GIGYF1: variants seen among roughly 807,000 people sequenced by gnomAD.
GIGYF1 encodes the protein GRB10-interacting GYF protein 1.
GIGYF1 carries 84 observed loss-of-function variants against 147.1 expected under a neutral mutation model. The ratio of observed to expected loss-of-function variants is 0.57; its 90% CI spans 0.48 to 0.68. The LOEUF is 0.68. GIGYF1 is among the 30% of genes least tolerant of loss of function. The probability of loss-of-function intolerance (pLI) is 0.00; values close to 1 mark genes in which losing one functional copy is unlikely to be tolerated. For missense variants in GIGYF1, 1,485 were observed against 1,393.7 expected, an observed-to-expected ratio of 1.07 and a Z score of -1.04; for synonymous variants, 752 against 589.5, an observed-to-expected ratio of 1.28 and a Z score of -3.99.
intron 1 of GIGYF1, among the ~76,000 whole-genome samples, chr7:100,692,862 T>C (rs1422925783): frequency 6.6e-6 from 1 of 152,122 alleles, no homozygotes; most frequent in Non-Finnish European, 1.5e-5. Context: ...TGGAGCTGGC[T>C]AGCCTGGTGG....
chr7:100,687,417 G>A lies in GIGYF1; in HGVS notation c.374-11C>T, dbSNP rs773834831. 8.1e-6 allele frequency: 13 copies of A among 1,612,828 alleles called. No individual in the cohort carries two copies. Among genetic ancestry groups the A allele is most frequent in the African/African-American group, 1.3e-5 (1 of 74,926 alleles). ...CACCACGGCCGCGGCCTAGAGAAGA[G>A]GCCAGACGCACAATGAAACCTGCTG... On this transcript the variant is annotated splice_polypyrimidine_tract_variant and intron_variant, in intron 7 of 26. Coordinates refer to ENST00000678049, the MANE Select transcript of GIGYF1 (RefSeq NM_001375765.1).
At position 100,686,660 on chromosome 7, in the gene GIGYF1, G is replaced by A. The variant is rs775911267; in HGVS notation, c.683C>T (p.Ser228Phe). The change falls in exon 10 of 27, where the codon TCC (serine) becomes TTC (phenylalanine). Residue 228 changes from serine (S) to phenylalanine (F), a missense_variant. By Grantham distance (155) the Ser-to-Phe change is radical. Coordinates refer to ENST00000678049, the MANE Select transcript of GIGYF1 (RefSeq NM_001375765.1). The stretch of plus-strand genomic sequence containing the variant: ...GGCCCCAATCTCACCAGGGCTGGCG[G>A]AGCGCCAGCGGTCGCCGTCTCGCCG... ...GPRRDGDRWR[S>F]ASPDGGPRSA... The A allele has an allele frequency of 6.2e-7, 1 of 1,611,608 alleles. No homozygotes were observed.
intron 16 of GIGYF1, 44 bp from the exon 17 acceptor site, chr7:100,684,381 G>A: frequency 2.5e-6 from 4 of 1,599,858 alleles, no homozygotes; most frequent in Non-Finnish European, 3.4e-6. Flanking sequence ...CAGGGAGGAG[G>A]GGACTCTGCT....
rs1805599206 is a variant in GIGYF1 at position 100,688,647 on chromosome 7, GGTA to G, written c.-193_-191del. The G allele has an allele frequency of 1.2e-5, 5 of 422,114 alleles. No individual in the cohort carries two copies. In the Admixed American group the frequency reaches 1.4e-4, roughly 12 times the overall value. The allele number at this position is 422,114 out of a possible 1,614,324, so 26.1% of individuals were successfully genotyped here. On this transcript the variant is annotated 5_prime_UTR_variant, in exon 2 of 27. Transcript: ENST00000678049. ...AGGGGCTGGTGCTGGAGTGAACGAG[GGTA>G]CCCAAGCCACTGGGAATTGGTCTGA...
chr7:100,682,052 G>A lies in GIGYF1; in HGVS notation c.2925+20C>T, dbSNP rs374887080. On this transcript the variant is annotated intron_variant, in intron 25 of 26. Coordinates refer to ENST00000678049, the MANE Select transcript of GIGYF1 (RefSeq NM_001375765.1). ...GGCACCAGGCAAGCCCACCCCAGCTGCTGGTGCCGGCTGCCTCACCTGCTG... is the reference window on the plus strand; with the variant it reads ...GGCACCAGGCAAGCCCACCCCAGCTACTGGTGCCGGCTGCCTCACCTGCTG... 15 of 1,611,656 alleles carry A rather than the reference G, an allele frequency of 9.3e-6. No homozygotes were observed. In the Admixed American group the frequency reaches 1.8e-4, roughly 20 times the overall value.
At position 100,686,698 on chromosome 7, in the gene GIGYF1, G is replaced by A. The variant is rs1296255583; in HGVS notation, c.645C>T (p.Leu215=). 3.1e-6 allele frequency: 5 copies of A among 1,613,168 alleles called. No individual in the cohort carries two copies. The highest frequency in any genetic ancestry group is 2.2e-5 in the East Asian group (1 of 44,782). ...QEEEEEGSWR[L]GAGPRRDGDR... is the part of the protein sequence containing the mutation. ...CGCCGTCTCGCCGGGGCCCTGCTCC[G>A]AGCCTCCAGCTGCCCTCCTCCTCCT... Residue 215 remains leucine (L), a synonymous_variant, in exon 10 of 27, where the codon CTC becomes CTT. Transcript: ENST00000678049.
In GIGYF1 at chr7:100,682,463, A is replaced by G. The variant is rs1439109447; in HGVS notation, c.2620T>C (p.Ser874Pro). Residue 874 changes from serine to proline, a missense_variant, in exon 24 of 27, where the codon TCG becomes CCG. Physicochemically the swap from Ser to Pro is moderately conservative, Grantham distance 74 (BLOSUM62 -1). Coordinates refer to ENST00000678049, the MANE Select transcript of GIGYF1 (RefSeq NM_001375765.1). ...PSLSDSYSHL[S>P]GRPIRKKTEE... ...GTCTTTTTGCGAATGGGCCGACCCG[A>G]TAGGTGGCTGTATGAGTCACTGAAG... The G allele has an allele frequency of 6.2e-7, 1 of 1,612,784 alleles. No homozygotes were observed. The highest frequency in any genetic ancestry group is 8.5e-7 in the Non-Finnish European group (1 of 1,179,956).
At position 100,682,672 on chromosome 7, in the gene GIGYF1, G is replaced by A. The variant is rs1307984350; in HGVS notation, c.2518C>T (p.Leu840Phe). ...CCGCTCTTGGGGGTGTCCTCCCAGA[G>A]CCCCAGGCCGCTGCTGCCGCCCCCA... ...KSGGGSSGLG[L>F]WEDTPKSGGS... Residue 840 changes from leucine to phenylalanine, a missense_variant, in exon 23 of 27, where the codon CTC (leucine) becomes TTC (phenylalanine). Leu to Phe is a conservative substitution (Grantham distance 22). Coordinates refer to ENST00000678049, the MANE Select transcript of GIGYF1 (RefSeq NM_001375765.1). 26 of 1,601,994 alleles carry A rather than the reference G, an allele frequency of 1.6e-5. No individual in the cohort carries two copies. Among genetic ancestry groups the A allele is most frequent in the Non-Finnish European group, 2.2e-5 (26 of 1,175,636 alleles).
At position 100,687,376 on chromosome 7, in the gene GIGYF1, T is replaced by C; in HGVS notation, c.404A>G (p.Gln135Arg). Residue 135 changes from glutamine to arginine, a missense_variant, in exon 8 of 27, where the codon CAA (glutamine) becomes CGA (arginine). Physicochemically the swap from Gln to Arg is conservative, Grantham distance 43. Transcript: ENST00000678049. ...CCCATCGCCTTCTTCGATGCTTCTT[T>C]GGTAAAAGCAGCTGTCACCACGGCC... is the stretch of plus-strand genomic sequence containing the variant. ...GRGRGDSCFY[Q>R]RSIEEGDGAF... 6.2e-7 allele frequency: 1 copy of C among 1,613,430 alleles called. No homozygotes were observed.
chr7:100,681,651 T>A lies in GIGYF1; in HGVS notation c.*68A>T. 6.9e-7 allele frequency: 1 copy of A among 1,446,038 alleles called. No homozygotes were observed. The highest frequency in any genetic ancestry group is 9.3e-7 in the Non-Finnish European group (1 of 1,077,850). The allele number at this position is 1,446,038 out of a possible 1,614,324, so 89.6% of individuals were successfully genotyped here. ...TGCTCTCTGCGGGGAGCCTGCAGGC[T>A]GGGACCCTCGGTCCACGCCGCTGTG... On this transcript the variant is annotated 3_prime_UTR_variant, in exon 27 of 27. Transcript: ENST00000678049.
Position 100,682,766 on chromosome 7 carries a change from GC to G in GIGYF1, c.2423del (p.Gly808AlafsTer7). The G allele has an allele frequency of 6.6e-7, 1 of 1,525,196 alleles. No homozygotes were observed. Among genetic ancestry groups the G allele is most frequent in the Non-Finnish European group, 8.8e-7 (1 of 1,138,382 alleles). The allele number at this position is 1,525,196 out of a possible 1,614,324, so 94.5% of individuals were successfully genotyped here. The part of the protein sequence containing the change: ...QAPNHRVQLG[G>X]LGTAPLNQWV... ...ACTGGTTCAGGGGGGCAGTGCCCAG[GC>G]CCCCAAGCTGCTACAGATGGCAGAA... On this transcript the variant is annotated frameshift_variant, in exon 23 of 27. Coordinates refer to ENST00000678049, the MANE Select transcript of GIGYF1 (RefSeq NM_001375765.1). LOFTEE classifies it high-confidence loss of function.
In GIGYF1 at chr7:100,680,365, G is replaced by A. The variant is rs780596240; in HGVS notation, c.*1354C>T. 3 of 152,518 alleles carry A rather than the reference G, an allele frequency of 2.0e-5. No homozygotes were observed. Among genetic ancestry groups the A allele is most frequent in the Non-Finnish European group, 4.4e-5 (3 of 68,054 alleles). The allele number at this position is 152,518 out of a possible 1,614,324, so 9.4% of individuals were successfully genotyped here. A position where few individuals can be genotyped will look rare whatever the true frequency, so the allele number is the denominator to read the frequency against. ...GAGGTCAATGGGAGGAGCTGGATGA[G>A]AAACCCAAAAGACAAAACTGTTACA... is the stretch of plus-strand genomic sequence containing the variant. On this transcript the variant is annotated 3_prime_UTR_variant, in exon 27 of 27. Transcript: ENST00000678049.
At chr7:100,691,481 G>A (rs2131402881) in intron 1 of GIGYF1, among the ~76,000 whole-genome samples, 1 of 149,944 alleles carries the variant, frequency 6.7e-6, no homozygotes, top group African/African-American at 2.5e-5. Flanking sequence ...ATCCTGCCAG[G>A]AGAAAATCTT....
Position 100,686,685 on chromosome 7 carries a change from G to C in GIGYF1, c.658C>G (p.Arg220Gly), listed in dbSNP as rs758231819. ...GAGCGCCAGCGGTCGCCGTCTCGCC[G>C]GGGCCCTGCTCCGAGCCTCCAGCTG... ...EGSWRLGAGP[R>G]RDGDRWRSAS... is the part of the protein sequence containing the mutation. Residue 220 changes from arginine to glycine, a missense_variant, in exon 10 of 27, where the codon CGG becomes GGG. By Grantham distance (125) the Arg-to-Gly change is moderately radical. Coordinates refer to ENST00000678049, the MANE Select transcript of GIGYF1 (RefSeq NM_001375765.1). The C allele has an allele frequency of 6.2e-7, 1 of 1,612,834 alleles. No homozygotes were observed. The highest frequency in any genetic ancestry group is 1.7e-5 in the Admixed American group (1 of 59,972).
chr7:100,685,593 TC>T, intron 12 of GIGYF1, 112 bp from the exon 13 acceptor site: 1 of 1,195,468 alleles, frequency 8.4e-7, no homozygotes. Context: ...TTAGGCCGAG[TC>T]CACCACTTCA....
chr7:100,686,559 G>C, intron 10 of GIGYF1, 90 bp downstream of exon 10: 3 of 1,527,408 alleles, frequency 2.0e-6, no homozygotes, highest in South Asian at 1.2e-5. Context: ...GCCAGCCTCT[G>C]CTCCCTCCCC....
chr7:100,693,019 C>G (rs1226307900), intron 1 of GIGYF1, among the ~76,000 whole-genome samples: 7 of 151,972 alleles, frequency 4.6e-5, no homozygotes, highest in African/African-American at 1.7e-4. Flanking sequence ...TGGCGGGGTT[C>G]TAAATTGAAA....
chr7:100,692,588 T>C (rs1805909973), intron 1 of GIGYF1, among the ~76,000 whole-genome samples: 1 of 152,242 alleles, frequency 6.6e-6, no homozygotes, highest in African/African-American at 2.4e-5. Context: ...TATTTTTCTT[T>C]AATTCCCAAA....
At position 100,686,567 on chromosome 7, in the gene GIGYF1, C is replaced by G; in HGVS notation, c.694+82G>C. 12 of 1,531,488 alleles carry G rather than the reference C, an allele frequency of 7.8e-6. No homozygotes were observed. In the South Asian group the frequency reaches 1.4e-4, roughly 17 times the overall value. 94.9% of individuals were successfully genotyped at this position (1,531,488 alleles called of 1,614,324 possible). On this transcript the variant is annotated intron_variant, in intron 10 of 26. Transcript: ENST00000678049. Reference sequence around the variant, plus strand: ...CACACCAGCCAGCCTCTGCTCCCTCCCCGTGGCTACAGGAGCCCACCCTCT... The same window carrying G: ...CACACCAGCCAGCCTCTGCTCCCTCGCCGTGGCTACAGGAGCCCACCCTCT...
Sources: gnomAD v4.1 joint callset for allele counts (sites outside exome capture counted in the v4.1 genomes callset) on GRCh38, gnomAD v4.1.1 for gene constraint, MANE v1.5 for transcripts, NCBI Gene and HGNC (gene_info 2026-07-23, HGNC 2026-07-21) for gene names.